EGFR: variants seen among roughly 807,000 people sequenced by gnomAD.
The protein encoded by EGFR is epidermal growth factor receptor.
In EGFR, 58 loss-of-function variants were observed where a neutral mutation model predicts 143.0. The observed-to-expected ratio is 0.41, with a 90% confidence interval of 0.33 to 0.50. The LOEUF (loss-of-function observed/expected upper bound fraction) is 0.50, where lower values mean the gene tolerates loss of function less well. Among genes scored for constraint, EGFR ranks in the 20% least tolerant of loss-of-function variants. The pLI is 0.39. For missense variants in EGFR, 1,307 were observed against 1,579.0 expected (o/e 0.83, Z 2.92); for synonymous variants, 613 against 594.4 (o/e 1.03, Z -0.45).
intron 15 of EGFR, among the ~76,000 whole-genome samples, chr7:55,169,518 A>G (rs1293393561): frequency 6.6e-6 from 1 of 152,234 alleles, no homozygotes; most frequent in African/African-American, 2.4e-5. Flanking sequence ...AATTATATGT[A>G]ACAAAGTTTA....
chr7:55,168,422 A>G (rs1198452974), intron 15 of EGFR: 2 of 814,052 alleles, frequency 2.5e-6, no homozygotes, highest in Admixed American at 1.9e-5. Context: ...CTTACTTTGT[A>G]TAAGAAATAG....
At chr7:55,097,400 T>C (rs1791543373) in intron 1 of EGFR, among the ~76,000 whole-genome samples, 1 of 152,136 alleles carries the variant, frequency 6.6e-6, no homozygotes, top group African/African-American at 2.4e-5. Flanking sequence ...TGTTTTTTAA[T>C]AGGAAACAAT....
Position 55,206,737 on chromosome 7 carries a change from G to A in EGFR, c.*1120G>A. 1 of 233,196 alleles carries A rather than the reference G, an allele frequency of 4.3e-6. No individual in the cohort carries two copies. Among genetic ancestry groups the A allele is most frequent in the Non-Finnish European group, 8.5e-6 (1 of 118,064 alleles). The allele number at this position is 233,196 out of a possible 1,614,324, so 14.4% of individuals were successfully genotyped here. A position where few individuals can be genotyped will look rare whatever the true frequency, so the allele number is the denominator to read the frequency against. On this transcript the variant is annotated 3_prime_UTR_variant, in exon 28 of 28. Transcript: ENST00000275493. ...TCACTTCAAAAGCTTTTTACTCAAAGAGTATATGTTCCCTCCAGGTCAGCT... is the reference window on the plus strand; with the variant it reads ...TCACTTCAAAAGCTTTTTACTCAAAAAGTATATGTTCCCTCCAGGTCAGCT...
intron 1 of EGFR, among the ~76,000 whole-genome samples, chr7:55,074,491 A>G (rs1055297168): frequency 6.6e-6 from 1 of 152,250 alleles, no homozygotes; most frequent in African/African-American, 2.4e-5. Context: ...GTGACATCAT[A>G]TTCTCTCATT....
chr7:55,113,550 T>A (rs771229512), intron 1 of EGFR, among the ~76,000 whole-genome samples: 1 of 152,184 alleles, frequency 6.6e-6, no homozygotes, highest in Non-Finnish European at 1.5e-5. Flanking sequence ...CACATTCTCT[T>A]CACATTCCCA....
At chr7:55,068,085 T>C (rs571085325) in intron 1 of EGFR, among the ~76,000 whole-genome samples, 124 of 140,212 alleles carry the variant, frequency 8.8e-4, no homozygotes, top group Non-Finnish European at 1.5e-3. Flanking sequence ...TGTGTGTGTG[T>C]GCACAGGTGT....
rs1342116959 is a variant in EGFR, at chr7:55,207,984, C to T, written c.*2367C>T. 6.6e-6 allele frequency: 1 copy of T among 152,142 alleles called. No individual in the cohort carries two copies. Among genetic ancestry groups the T allele is most frequent in the Non-Finnish European group, 1.5e-5 (1 of 68,014 alleles). 9.4% of individuals were successfully genotyped at this position (152,142 alleles called of 1,614,324 possible). ...ACTTATGTGTCAAGAAGCAGATGAT[C>T]GATGAGGCAGGTCAGTTGTAAGTGA... On this transcript the variant is annotated 3_prime_UTR_variant, in exon 28 of 28. Coordinates refer to ENST00000275493, the MANE Select transcript of EGFR (RefSeq NM_005228.5).
intron 4 of EGFR, among the ~76,000 whole-genome samples, chr7:55,149,344 C>T (rs1794916992): frequency 6.6e-6 from 1 of 152,046 alleles, no homozygotes; most frequent in African/African-American, 2.4e-5. Context: ...CTCTCTCTCA[C>T]TCTCACTGTC....
intron 22 of EGFR, among the ~76,000 whole-genome samples, chr7:55,194,520 A>T (rs73696597): frequency 6.6e-6 from 1 of 152,102 alleles, no homozygotes; most frequent in South Asian, 2.1e-4. Context: ...CAGACTTTTC[A>T]TTCTCTGCTC....
chr7:55,185,951 C>T (rs1434615595), intron 20 of EGFR, among the ~76,000 whole-genome samples: 3 of 152,222 alleles, frequency 2.0e-5, no homozygotes, highest in East Asian at 1.9e-4. Context: ...GGTGCTTTCA[C>T]GGCTCTGCTA....
chr7:55,140,059 A>G (rs1231993274), intron 1 of EGFR, among the ~76,000 whole-genome samples: 3 of 151,606 alleles, frequency 2.0e-5, no homozygotes, highest in African/African-American at 4.8e-5. Context: ...TTGGGGGGTC[A>G]TTTGGGGCTT....
chr7:55,117,237 G>A (rs1331397298), intron 1 of EGFR, among the ~76,000 whole-genome samples: 1 of 152,238 alleles, frequency 6.6e-6, no homozygotes, highest in East Asian at 1.9e-4. Context: ...TATTCAAATA[G>A]TTTATAAAGT....
At chr7:55,151,647 G>A (rs547604839) in intron 5 of EGFR, among the ~76,000 whole-genome samples, 4 of 152,220 alleles carry the variant, frequency 2.6e-5, no homozygotes, top group South Asian at 4.1e-4. Context: ...AGGCGGAGGC[G>A]GTCGGATCAC....
At position 55,151,183 on chromosome 7, in the gene EGFR, T is replaced by C. The variant is rs181684446; in HGVS notation, c.560-111T>C. The C allele has an allele frequency of 1.1e-4, 118 of 1,073,988 alleles. No homozygotes were observed. The African/African-American group carries it at 1.5e-3, about 14-fold the overall frequency. The allele number at this position is 1,073,988 out of a possible 1,614,324, so 66.5% of individuals were successfully genotyped here. A position where few individuals can be genotyped will look rare whatever the true frequency, so the allele number is the denominator to read the frequency against. ...GCCAGCCAAACAATCAGAGAATAAG[T>C]TGAAAAGATTGTCTTCATTTATTGA... On this transcript the variant is annotated intron_variant, in intron 4 of 27. Coordinates refer to ENST00000275493, the MANE Select transcript of EGFR (RefSeq NM_005228.5).
intron 1 of EGFR, among the ~76,000 whole-genome samples, chr7:55,127,921 T>C (rs1793623662): frequency 6.6e-6 from 1 of 152,224 alleles, no homozygotes; most frequent in African/African-American, 2.4e-5. Context: ...CCTCACATGG[T>C]AGGGCCTTGC....
At chr7:55,052,990 T>G (rs927787975) in intron 1 of EGFR, among the ~76,000 whole-genome samples, 2 of 152,128 alleles carry the variant, frequency 1.3e-5, no homozygotes. Flanking sequence ...AATAAGACCT[T>G]GATTCCCAGC....
intron 1 of EGFR, among the ~76,000 whole-genome samples, chr7:55,111,353 G>T (rs892488967): frequency 6.6e-6 from 1 of 150,612 alleles, no homozygotes; most frequent in Non-Finnish European, 1.5e-5. Context: ...GTTTCATCTC[G>T]CTTGCTAGAC....
intron 1 of EGFR, among the ~76,000 whole-genome samples, chr7:55,045,442 A>G (rs1788132765): frequency 6.6e-6 from 1 of 152,188 alleles, no homozygotes; most frequent in African/African-American, 2.4e-5. Flanking sequence ...TTCTTAGTAA[A>G]AGACCCCAGT....
intron 1 of EGFR, among the ~76,000 whole-genome samples, chr7:55,105,835 C>A (rs867448791): frequency 6.6e-5 from 10 of 152,144 alleles, no homozygotes; most frequent in Middle Eastern, 3.2e-3. Flanking sequence ...TTAAAAAAAA[C>A]ACATCTGTTT....
Sources: gnomAD v4.1 joint callset for allele counts (sites outside exome capture counted in the v4.1 genomes callset) on GRCh38, gnomAD v4.1.1 for gene constraint, MANE v1.5 for transcripts, NCBI Gene and HGNC (gene_info 2026-07-23, HGNC 2026-07-21) for gene names.